Variants in TXNL1 observed in about 807,000 individuals in gnomAD.
The protein encoded by TXNL1 is thioredoxin like 1, also known as thioredoxin-like protein 1.
A neutral mutation model predicts 35.5 loss-of-function variants in TXNL1; 14 were observed. The ratio of observed to expected loss-of-function variants is 0.39; its 90% confidence interval spans 0.26 to 0.62. TXNL1 has a LOEUF of 0.62. TXNL1 is among the 20% of genes least tolerant of loss of function. The pLI, the probability that TXNL1 is intolerant of heterozygous loss-of-function variation, is 0.47. For synonymous variants in TXNL1, 110 were observed against 115.5 expected (o/e 0.95, Z 0.31); for missense variants, 263 against 349.7 (o/e 0.75, Z 1.98).
chr18:56,636,824 T>C (rs1334684550), intron 1 of TXNL1, among the ~76,000 whole-genome samples: 1 of 152,164 alleles, frequency 6.6e-6, no homozygotes, highest in Non-Finnish European at 1.5e-5. Flanking sequence ...GGGCCAGAAT[T>C]AGAATAAGTG....
intron 7 of TXNL1, chr18:56,604,450 A>G (rs1432321632): frequency 6.6e-6 from 1 of 152,240 alleles, no homozygotes; most frequent in Non-Finnish European, 1.5e-5. Context: ...TCACAGGTTG[A>G]TAACTCTCAA....
chr18:56,638,024 C>A (rs2024484189), intron 1 of TXNL1, among the ~76,000 whole-genome samples: 1 of 152,170 alleles, frequency 6.6e-6, no homozygotes, highest in Non-Finnish European at 1.5e-5. Context: ...AGGGTGGCTG[C>A]GGAGACTCCC....
At chr18:56,606,030 T>C (rs1206629119) in intron 7 of TXNL1, among the ~76,000 whole-genome samples, 1 of 152,214 alleles carries the variant, frequency 6.6e-6, no homozygotes, top group Non-Finnish European at 1.5e-5. Context: ...ACAGAGGTCA[T>C]CAAAATTTTC....
intron 3 of TXNL1, 121 bp downstream of exon 3, chr18:56,624,167 T>C (rs2024237462): frequency 4.5e-6 from 5 of 1,123,552 alleles, no homozygotes; most frequent in Middle Eastern, 4.5e-4. Flanking sequence ...AAAGCTCTTA[T>C]TTAAAAGTAT....
chr18:56,626,246 C>T, intron 2 of TXNL1, 115 bp downstream of exon 2: 1 of 1,461,344 alleles, frequency 6.8e-7, no homozygotes, highest in Non-Finnish European at 9.0e-7. Flanking sequence ...TAACATCTTC[C>T]TATCTTCAAA....
chr18:56,618,136 A>G lies in TXNL1; in HGVS notation c.370-10T>C. 6.2e-7 allele frequency: 1 copy of G among 1,611,800 alleles called. No individual in the cohort carries two copies. Among genetic ancestry groups the G allele is most frequent in the Non-Finnish European group, 8.5e-7 (1 of 1,178,654 alleles). On this transcript the variant is annotated splice_polypyrimidine_tract_variant and intron_variant, in intron 3 of 7. Coordinates refer to ENST00000217515, the MANE Select transcript of TXNL1 (RefSeq NM_004786.3). ...AAGGCATTAAATCCATCTGAAAAAA[A>G]ATTGCAAGATTTTAGGCAACATATT...
intron 1 of TXNL1, among the ~76,000 whole-genome samples, chr18:56,634,873 G>A (rs973257947): frequency 2.0e-5 from 3 of 152,048 alleles, no homozygotes; most frequent in Admixed American, 1.3e-4. Flanking sequence ...ACAACCCAAA[G>A]AATGGGACAA....
Position 56,611,102 on chromosome 18 carries a change from CAA to C in TXNL1, c.736-7_736-6del. 6.3e-7 allele frequency: 1 copy of C among 1,577,166 alleles called. No homozygotes were observed. Among genetic ancestry groups the C allele is most frequent in the East Asian group, 2.3e-5 (1 of 43,814 alleles). On this transcript the variant is annotated splice_region_variant and splice_polypyrimidine_tract_variant and intron_variant, in intron 6 of 7. Transcript: ENST00000217515. ...TTGATTCGACTGAACAAATATCTAC[CAA>C]AAAAAAGTTTGCATTTATAATTACA...
At chr18:56,633,983 CAAAAAAAA>C (rs71169380) in intron 1 of TXNL1, among the ~76,000 whole-genome samples, 2 of 51,318 alleles carry the variant, frequency 3.9e-5, no homozygotes, top group African/African-American at 9.8e-5. Flanking sequence ...GACTCCATCT[CAAAAAAAA>C]AAAAAAAAAA....
chr18:56,614,340 A>C (rs1489506961), intron 6 of TXNL1, 84 bp downstream of exon 6: 1 of 1,218,534 alleles, frequency 8.2e-7, no homozygotes, highest in Admixed American at 2.6e-5. Flanking sequence ...CACTTTAAAG[A>C]ATCACTTAGA....
chr18:56,614,599 A>G lies in TXNL1; in HGVS notation c.563-3T>C, dbSNP rs1464558079. 1 of 1,605,000 alleles carries G rather than the reference A, an allele frequency of 6.2e-7. No homozygotes were observed. Among genetic ancestry groups the G allele is most frequent in the African/African-American group, 1.3e-5 (1 of 74,296 alleles). ...TTTTACATATTTAGGGCCCTGACCT[A>G]TACAATGGTAGAATAAAATAAAATG... On this transcript the variant is annotated splice_region_variant and splice_polypyrimidine_tract_variant and intron_variant, in intron 5 of 7. Coordinates refer to ENST00000217515, the MANE Select transcript of TXNL1 (RefSeq NM_004786.3).
intron 1 of TXNL1, 84 bp downstream of exon 1, chr18:56,638,259 G>C: frequency 7.1e-7 from 1 of 1,403,016 alleles, no homozygotes; most frequent in Non-Finnish European, 9.7e-7. Context: ...GGCAGCAGAC[G>C]GCTAGGAAAC....
At chr18:56,603,746 G>A (rs1341358345) in intron 7 of TXNL1, among the ~76,000 whole-genome samples, 1 of 152,120 alleles carries the variant, frequency 6.6e-6, no homozygotes, top group Non-Finnish European at 1.5e-5. Context: ...CAAATTCTCT[G>A]CAGGAGAGTT....
chr18:56,613,831 T>C (rs1184997032), intron 6 of TXNL1, among the ~76,000 whole-genome samples: 1 of 152,000 alleles, frequency 6.6e-6, no homozygotes, highest in African/African-American at 2.4e-5. Flanking sequence ...AAAATTCAGA[T>C]ATACCTTAGG....
Position 56,601,193 on chromosome 18 carries a change from A to G in TXNL1, c.*1834T>C, listed in dbSNP as rs535212339. 6.6e-6 allele frequency: 1 copy of G among 152,340 alleles called. No individual in the cohort carries two copies. Among genetic ancestry groups the G allele is most frequent in the South Asian group, 2.1e-4 (1 of 4,832 alleles). 9.4% of individuals were successfully genotyped at this position (152,340 alleles called of 1,614,324 possible). A position where few individuals can be genotyped will look rare whatever the true frequency, so the allele number is the denominator to read the frequency against. On this transcript the variant is annotated 3_prime_UTR_variant, in exon 8 of 8. Transcript: ENST00000217515. Reference sequence around the variant, plus strand: ...TTTTAAATGCCAATTATGCACATTTATAATAGTAAGATTTCCCATTAAGTG... The same window carrying G: ...TTTTAAATGCCAATTATGCACATTTGTAATAGTAAGATTTCCCATTAAGTG...
chr18:56,616,627 A>C (rs553988273), intron 4 of TXNL1, among the ~76,000 whole-genome samples: 5 of 152,218 alleles, frequency 3.3e-5, no homozygotes, highest in African/African-American at 1.2e-4. Context: ...CAAATCAAAC[A>C]AAATTCTCAA....
intron 7 of TXNL1, chr18:56,604,467 A>C (rs932568466): frequency 1.3e-5 from 2 of 152,244 alleles, no homozygotes; most frequent in African/African-American, 4.8e-5. Flanking sequence ...TCAACTTGCC[A>C]ATGTGTATTT....
At chr18:56,608,380 T>C (rs186216472) in intron 7 of TXNL1, 17 of 152,270 alleles carry the variant, frequency 1.1e-4, no homozygotes, top group Admixed American at 4.6e-4. Flanking sequence ...ACAGTACAAA[T>C]GTCATTCAGA....
intron 1 of TXNL1, among the ~76,000 whole-genome samples, chr18:56,633,981 C>A (rs571033028): frequency 1.9e-5 from 1 of 51,292 alleles, no homozygotes; most frequent in African/African-American, 6.2e-5. Context: ...AAGACTCCAT[C>A]TCAAAAAAAA....
Sources: gnomAD v4.1 joint callset for allele counts (sites outside exome capture counted in the v4.1 genomes callset) on GRCh38, gnomAD v4.1.1 for gene constraint, MANE v1.5 for transcripts, NCBI Gene and HGNC (gene_info 2026-07-23, HGNC 2026-07-21) for gene names.